Variants in TYW1B observed in about 807,000 individuals in gnomAD.
TYW1B encodes the protein S-adenosyl-L-methionine-dependent tRNA 4-demethylwyosine synthase TYW1B.
TYW1B carries 73 observed loss-of-function variants against 86.9 expected under a neutral mutation model. The observed-to-expected ratio is 0.84, with a 90% confidence interval of 0.70 to 1.02. TYW1B has a LOEUF of 1.02. Ranked by LOEUF, TYW1B falls within the 50% of genes least tolerant of loss-of-function variation. The pLI, the probability that TYW1B is intolerant of heterozygous loss-of-function variation, is 0.00. For missense variants in TYW1B, 637 were observed against 827.4 expected (o/e 0.77, Z 2.82); for synonymous variants, 248 against 292.8 (o/e 0.85, Z 1.56).
intron 4 of TYW1B, among the ~76,000 whole-genome samples, chr7:72,810,114 G>A (rs1348740772): frequency 6.6e-6 from 1 of 150,554 alleles, no homozygotes; most frequent in Non-Finnish European, 1.5e-5. Flanking sequence ...CCCGTCTCTA[G>A]TAAAAATACA....
chr7:72,786,566 CTTTTTTCTT>C (rs1278139959), intron 6 of TYW1B, among the ~76,000 whole-genome samples: 6 of 134,478 alleles, frequency 4.5e-5, no homozygotes, highest in Non-Finnish European at 9.4e-5. Context: ...TTTTTAAATT[CTTTTTTCTT>C]TTTTTTTTTT....
At chr7:72,818,851 C>T (rs537182197) in intron 2 of TYW1B, among the ~76,000 whole-genome samples, 4 of 152,036 alleles carry the variant, frequency 2.6e-5, no homozygotes, top group East Asian at 3.9e-4. Context: ...GTCACGAGGA[C>T]GGTACAAGGG....
intron 9 of TYW1B, chr7:72,723,064 G>C: frequency 1.0e-6 from 1 of 992,206 alleles, no homozygotes; most frequent in East Asian, 2.8e-5. Context: ...GTCCCAAGGG[G>C]ACAAGGAGCC....
Position 72,815,221 on chromosome 7 carries a change from T to C in TYW1B, c.237+159A>G, listed in dbSNP as rs114656094. On this transcript the variant is annotated intron_variant, in intron 3 of 13. Coordinates refer to ENST00000620995, the MANE Select transcript of TYW1B (RefSeq NM_001145440.3). ...AGAATCAGTGAACCTCACCCCACAT[T>C]CAGTTCTCTGATTCACACTGGAATT... Among the ~76,000 whole-genome samples the C allele has an allele frequency of 8.9e-3, 1,355 of 152,142 alleles. 17 individuals are homozygous for C. Among genetic ancestry groups the C allele is most frequent in the African/African-American group, 0.03 (1,240 of 41,506 alleles).
At chr7:72,656,789 T>C (rs1813216126) in intron 11 of TYW1B, among the ~76,000 whole-genome samples, 2 of 152,138 alleles carry the variant, frequency 1.3e-5, no homozygotes, top group Admixed American at 6.5e-5. Flanking sequence ...GTGCATCACA[T>C]GGTGAGAGTG....
At chr7:72,765,198 A>G (rs1353709767) in intron 7 of TYW1B, among the ~76,000 whole-genome samples, 2 of 152,208 alleles carry the variant, frequency 1.3e-5, no homozygotes, top group African/African-American at 4.8e-5. Context: ...TTAAGATTGT[A>G]CGTGAGATCT....
At chr7:72,593,618 C>G (rs1373456477) in intron 13 of TYW1B, among the ~76,000 whole-genome samples, 8 of 151,882 alleles carry the variant, frequency 5.3e-5, no homozygotes, top group African/African-American at 1.9e-4. Flanking sequence ...GTCAGGAGAT[C>G]GAGACCATCC....
chr7:72,769,306 T>G, intron 7 of TYW1B: 1 of 173,168 alleles, frequency 5.8e-6, no homozygotes, highest in Non-Finnish European at 1.2e-5. Context: ...CCCACAGAGA[T>G]TAGTTTCCAT....
At chr7:72,749,269 T>C (rs781977438) in intron 7 of TYW1B, among the ~76,000 whole-genome samples, 8 of 152,192 alleles carry the variant, frequency 5.3e-5, no homozygotes, top group Non-Finnish European at 1.2e-4. Flanking sequence ...TGTAATAATA[T>C]TGTTTCATTC....
intron 3 of TYW1B, among the ~76,000 whole-genome samples, chr7:72,812,616 C>T (rs1336394665): frequency 2.0e-5 from 3 of 151,806 alleles, no homozygotes; most frequent in Non-Finnish European, 4.4e-5. Context: ...AAGAAATGGA[C>T]AGAGTTAAAG....
intron 10 of TYW1B, among the ~76,000 whole-genome samples, chr7:72,703,349 G>A (rs1428097372): frequency 6.6e-6 from 1 of 151,780 alleles, no homozygotes; most frequent in Non-Finnish European, 1.5e-5. Context: ...TATTTCCACT[G>A]TAACTTCTTT....
At chr7:72,589,291 AT>A (rs1362964466) in intron 13 of TYW1B, among the ~76,000 whole-genome samples, 12 of 152,218 alleles carry the variant, frequency 7.9e-5, no homozygotes, top group African/African-American at 2.9e-4. Context: ...AAACTAAGGA[AT>A]GACACCAGAC....
intron 13 of TYW1B, among the ~76,000 whole-genome samples, chr7:72,580,527 T>A (rs1292746468): frequency 2.0e-5 from 3 of 152,096 alleles, no homozygotes; most frequent in Non-Finnish European, 2.9e-5. Context: ...CCTGACTTAA[T>A]AAAGCCAGGC....
At chr7:72,674,352 G>A (rs184243047) in intron 11 of TYW1B, among the ~76,000 whole-genome samples, 3 of 152,010 alleles carry the variant, frequency 2.0e-5, no homozygotes, top group Non-Finnish European at 2.9e-5. Flanking sequence ...GGTTGTTTTC[G>A]GCAGTGGCTG....
chr7:72,825,997 T>C (rs1198624983), intron 2 of TYW1B, among the ~76,000 whole-genome samples: 2 of 152,196 alleles, frequency 1.3e-5, no homozygotes, highest in East Asian at 3.8e-4. Flanking sequence ...ACCAATTCAG[T>C]TCACTGCTAA....
At chr7:72,761,060 TAATA>T (rs1787678400) in intron 7 of TYW1B, among the ~76,000 whole-genome samples, 1 of 152,186 alleles carries the variant, frequency 6.6e-6, no homozygotes, top group African/African-American at 2.4e-5. Context: ...GGTAAATTGT[TAATA>T]AATAAATTAC....
At chr7:72,633,958 A>T (rs1380287473) in intron 11 of TYW1B, among the ~76,000 whole-genome samples, 1 of 152,110 alleles carries the variant, frequency 6.6e-6, no homozygotes, top group Admixed American at 6.6e-5. Context: ...CTTTCAGTGA[A>T]TTCGATGTTT....
intron 10 of TYW1B, among the ~76,000 whole-genome samples, chr7:72,703,652 C>T (rs782567196): frequency 1.7e-4 from 25 of 151,106 alleles, no homozygotes; most frequent in Non-Finnish European, 3.1e-4. Flanking sequence ...GTCAGGAGTT[C>T]GAGACCAGCC....
rs534682040 is a variant in TYW1B, at chr7:72,782,129, A to T, written c.847-4596T>A. 6.6e-4 allele frequency among the ~76,000 whole-genome samples: 100 copies of T among 151,972 alleles called. 1 individual carries two copies. Among genetic ancestry groups the T allele is most frequent in the African/African-American group, 2.2e-3 (92 of 41,472 alleles). ...TGAGATCCCAGCTCTACAAAAAAAA[A>T]TTTTTTTTAATTAGCCAGGTGTGGT... On this transcript the variant is annotated intron_variant, in intron 6 of 13. Coordinates refer to ENST00000620995, the MANE Select transcript of TYW1B (RefSeq NM_001145440.3).
Sources: gnomAD v4.1 joint callset for allele counts (sites outside exome capture counted in the v4.1 genomes callset) on GRCh38, gnomAD v4.1.1 for gene constraint, MANE v1.5 for transcripts, NCBI Gene and HGNC (gene_info 2026-07-23, HGNC 2026-07-21) for gene names.